Variants in ARAP2 observed in about 807,000 individuals in gnomAD.
The protein encoded by ARAP2 is ArfGAP with RhoGAP domain, ankyrin repeat and PH domain 2.
Under a neutral mutation model 194.5 loss-of-function variants are expected in ARAP2, and 148 were observed. The ratio of observed to expected loss-of-function variants is 0.76; its 90% CI spans 0.67 to 0.87. The LOEUF (loss-of-function observed/expected upper bound fraction) is 0.87, where lower values mean the gene tolerates loss of function less well. ARAP2 is among the 40% of genes least tolerant of loss of function. The pLI, the probability that ARAP2 is intolerant of heterozygous loss-of-function variation, is 0.00. For missense variants in ARAP2, 2,128 were observed against 1,989.7 expected (o/e 1.07, Z -1.32); for synonymous variants, 695 against 683.5 (o/e 1.02, Z -0.26).
At chr4:36,199,344 TGCAGTG>T (rs953306561) in intron 6 of ARAP2, among the ~76,000 whole-genome samples, 1 of 152,192 alleles carries the variant, frequency 6.6e-6, no homozygotes, top group Non-Finnish European at 1.5e-5. Flanking sequence ...CAAGCGGGAG[TGCAGTG>T]GCACAATCTC....
intron 1 of ARAP2, among the ~76,000 whole-genome samples, chr4:36,231,894 A>C (rs1751543874): frequency 6.6e-6 from 1 of 152,120 alleles, no homozygotes; most frequent in Non-Finnish European, 1.5e-5. Flanking sequence ...CCATGACTGT[A>C]CTTGGAGACA....
At chr4:36,225,038 TA>T (rs1749995474) in intron 2 of ARAP2, among the ~76,000 whole-genome samples, 1 of 152,206 alleles carries the variant, frequency 6.6e-6, no homozygotes, top group Non-Finnish European at 1.5e-5. Flanking sequence ...CCAAGATTTT[TA>T]TTTTTAATAA....
At chr4:36,103,114 C>G (rs1446940981) in intron 27 of ARAP2, among the ~76,000 whole-genome samples, 2 of 151,578 alleles carry the variant, frequency 1.3e-5, no homozygotes, top group Non-Finnish European at 3.0e-5. Context: ...GTGAATGGCT[C>G]AGCTTTCCAG....
At chr4:36,057,404 T>C (rs1723703987) in intron 2 of ARAP2, among the ~76,000 whole-genome samples, 1 of 151,916 alleles carries the variant, frequency 6.6e-6, no homozygotes, top group South Asian at 2.1e-4. Context: ...AATCTATTGG[T>C]ATAAATAACA....
intron 1 of ARAP2, among the ~76,000 whole-genome samples, chr4:36,232,334 A>AAC (rs1173420501): frequency 6.6e-6 from 1 of 152,196 alleles, no homozygotes; most frequent in Non-Finnish European, 1.5e-5. Flanking sequence ...TGAACTATCA[A>AAC]ACACACAAAT....
intron 24 of ARAP2, among the ~76,000 whole-genome samples, chr4:36,118,107 T>C (rs954191939): frequency 5.3e-5 from 8 of 151,358 alleles, no homozygotes; most frequent in African/African-American, 1.9e-4. Context: ...AGATGAACTT[T>C]GAAAAAGTTC....
chr4:36,028,510 C>A (rs907820611), intron 5 of ARAP2, among the ~76,000 whole-genome samples: 3 of 151,364 alleles, frequency 2.0e-5, no homozygotes, highest in African/African-American at 4.8e-5. Context: ...CTTGATTTTT[C>A]TAATTTTTTT....
chr4:36,131,440 G>C (rs936470540), intron 20 of ARAP2, among the ~76,000 whole-genome samples: 7 of 150,794 alleles, frequency 4.6e-5, no homozygotes, highest in Admixed American at 3.3e-4. Context: ...ATATATGTAT[G>C]TACACATATG....
intron 2 of ARAP2, among the ~76,000 whole-genome samples, chr4:36,216,752 A>G (rs887085588): frequency 6.6e-6 from 1 of 152,248 alleles, no homozygotes; most frequent in African/African-American, 2.4e-5. Flanking sequence ...ACTAAAAAAA[A>G]CTAATAATCT....
Position 36,162,469 on chromosome 4 carries a change from C to T in ARAP2, c.2174-919G>A, listed in dbSNP as rs116354071. On this transcript the variant is annotated intron_variant, in intron 11 of 32. Coordinates refer to ENST00000303965, the MANE Select transcript of ARAP2 (RefSeq NM_015230.4). ...TCATCATTCAGTCATCACTGAGCAA[C>T]CAGGCTATGTCAGATTATTTCAAAG... is the stretch of plus-strand genomic sequence containing the variant. 9.5e-3 allele frequency among the ~76,000 whole-genome samples: 1,440 copies of T among 152,224 alleles called. 13 individuals are homozygous for T. The highest frequency in any genetic ancestry group is 0.016 in the Admixed American group (239 of 15,288).
intron 21 of ARAP2, among the ~76,000 whole-genome samples, chr4:36,127,482 C>T (rs1314770281): frequency 6.6e-6 from 1 of 151,938 alleles, no homozygotes; most frequent in East Asian, 1.9e-4. Context: ...AATTTTCAAA[C>T]TGTGCATGTT....
At chr4:36,199,779 T>C (rs138803555) in intron 6 of ARAP2, among the ~76,000 whole-genome samples, 5 of 152,222 alleles carry the variant, frequency 3.3e-5, no homozygotes, top group Non-Finnish European at 1.5e-5. Context: ...ATGGTGACTA[T>C]AGCTAATAAT....
intron 19 of ARAP2, among the ~76,000 whole-genome samples, chr4:36,138,403 T>C (rs1255607234): frequency 6.6e-6 from 1 of 151,758 alleles, no homozygotes; most frequent in East Asian, 1.9e-4. Context: ...CAAGAACTTA[T>C]CTGCCTTCTC....
chr4:36,148,229 T>G (rs144213710), intron 17 of ARAP2, among the ~76,000 whole-genome samples, 176 bp downstream of exon 17: 1,578 of 152,274 alleles, frequency 0.01, 34 homozygotes, highest in African/African-American at 0.036. Context: ...TCTTCCCTGC[T>G]TAAGGCTCCT....
chr4:36,242,181 C>T (rs1376867192), intron 1 of ARAP2, among the ~76,000 whole-genome samples: 1 of 152,202 alleles, frequency 6.6e-6, no homozygotes, highest in Non-Finnish European at 1.5e-5. Flanking sequence ...TCTAATCTCA[C>T]ATCCACCATA....
intron 2 of ARAP2, among the ~76,000 whole-genome samples, chr4:36,226,320 A>G (rs914768240): frequency 8.5e-5 from 13 of 152,188 alleles, no homozygotes; most frequent in Admixed American, 2.6e-4. Context: ...CATACTTACT[A>G]TTTTGAATAA....
chr4:36,226,585 C>G (rs576500329), intron 2 of ARAP2, among the ~76,000 whole-genome samples: 4 of 152,008 alleles, frequency 2.6e-5, no homozygotes, highest in African/African-American at 9.7e-5. Context: ...GCGTTTCACT[C>G]TAACTACTTA....
intron 5 of ARAP2, among the ~76,000 whole-genome samples, chr4:36,045,705 T>C (rs1309665636): frequency 6.6e-6 from 1 of 152,194 alleles, no homozygotes; most frequent in East Asian, 1.9e-4. Flanking sequence ...TTAAATGTTC[T>C]CACCACAAGG....
intron 26 of ARAP2, 39 bp from the exon 27 acceptor site, chr4:36,107,732 G>A (rs368221114): frequency 2.6e-6 from 4 of 1,545,936 alleles, no homozygotes; most frequent in Middle Eastern, 1.8e-4. Context: ...GAAAATATAT[G>A]AGGATAACAA....
Sources: gnomAD v4.1 joint callset for allele counts (sites outside exome capture counted in the v4.1 genomes callset) on GRCh38, gnomAD v4.1.1 for gene constraint, MANE v1.5 for transcripts, NCBI Gene and HGNC (gene_info 2026-07-23, HGNC 2026-07-21) for gene names.